DIAPH2: variants seen among roughly 807,000 people sequenced by gnomAD.
DIAPH2 encodes the protein protein diaphanous homolog 2.
In DIAPH2, 35 loss-of-function variants were observed where a neutral mutation model predicts 92.7. The ratio of observed to expected loss-of-function variants is 0.38; its 90% CI spans 0.29 to 0.50. DIAPH2 has a LOEUF of 0.50. Ranked by LOEUF, DIAPH2 falls within the 20% of genes least tolerant of loss-of-function variation. The pLI is 0.94. For missense variants in DIAPH2, 701 were observed against 819.5 expected (o/e 0.86, Z 1.77); for synonymous variants, 301 against 280.4 (o/e 1.07, Z -0.73).
chrX:97,082,557 G>A (rs751545946), intron 19 of DIAPH2, among the ~76,000 whole-genome samples: 10 of 110,647 alleles, frequency 9.0e-5, no homozygotes, highest in Non-Finnish European at 1.7e-4. Flanking sequence ...GCTTGAACCT[G>A]GGAGGTGGAG....
At chrX:97,571,976 T>C (rs1569426636) in intron 26 of DIAPH2, among the ~76,000 whole-genome samples, 1 of 111,777 alleles carries the variant, frequency 8.9e-6, no homozygotes, top group Non-Finnish European at 1.9e-5. Flanking sequence ...TCTTCTGACT[T>C]TCTGTGCACT....
intron 9 of DIAPH2, among the ~76,000 whole-genome samples, chrX:96,926,738 A>G (rs2065584360): frequency 8.9e-6 from 1 of 111,732 alleles, no homozygotes; most frequent in African/African-American, 3.2e-5. Flanking sequence ...AATAGGATAT[A>G]TATGCATCTC....
intron 22 of DIAPH2, among the ~76,000 whole-genome samples, chrX:97,156,543 T>G (rs1265229668): frequency 2.7e-5 from 3 of 111,895 alleles, no homozygotes; most frequent in Non-Finnish European, 5.6e-5. Context: ...ATTTTATAAT[T>G]AAAATCCTCC....
chrX:97,545,530 AAAAATAT>A (rs1569421521), intron 26 of DIAPH2, among the ~76,000 whole-genome samples: 1 of 18,305 alleles, frequency 5.5e-5, no homozygotes, highest in African/African-American at 7.6e-5. Context: ...ATGAAAAAAA[AAAAATAT>A]ATATATATAT....
chrX:97,400,829 G>C (rs1195565287), intron 25 of DIAPH2, among the ~76,000 whole-genome samples: 2 of 110,503 alleles, frequency 1.8e-5, no homozygotes, highest in Non-Finnish European at 3.8e-5. Context: ...ACCCACCTTA[G>C]AACAAGACAG....
intron 4 of DIAPH2, among the ~76,000 whole-genome samples, chrX:96,796,459 C>T (rs2064540424): frequency 8.9e-6 from 1 of 112,289 alleles, no homozygotes; most frequent in African/African-American, 3.2e-5. Context: ...GGATTACAGG[C>T]GTGAGCCACC....
intron 26 of DIAPH2, among the ~76,000 whole-genome samples, chrX:97,440,177 GA>G (rs2070238828): frequency 9.0e-6 from 1 of 111,722 alleles, no homozygotes; most frequent in African/African-American, 3.3e-5. Flanking sequence ...CAATCAAATT[GA>G]AATCTATAGG....
At chrX:97,243,491 C>CA (rs11411856) in intron 22 of DIAPH2, among the ~76,000 whole-genome samples, 14,191 of 110,684 alleles carry the variant, frequency 0.13, 1,592 homozygotes, top group African/African-American at 0.37. Flanking sequence ...ATAATTCCCC[C>CA]ATGCAAAGAT....
At chrX:97,190,110 T>C (rs1326731637) in intron 22 of DIAPH2, among the ~76,000 whole-genome samples, 2 of 113,236 alleles carry the variant, frequency 1.8e-5, no homozygotes, top group East Asian at 5.6e-4. Context: ...TCTAGGTTTC[T>C]CGTCACTTGC....
intron 13 of DIAPH2, among the ~76,000 whole-genome samples, chrX:96,945,206 A>G (rs1047793524): frequency 3.6e-5 from 4 of 110,924 alleles, no homozygotes; most frequent in African/African-American, 9.8e-5. Flanking sequence ...AGTCTTTGCC[A>G]CCTCTCCACC....
chrX:96,944,968 A>G (rs2065729015), intron 13 of DIAPH2, among the ~76,000 whole-genome samples: 1 of 111,292 alleles, frequency 9.0e-6, no homozygotes, highest in African/African-American at 3.3e-5. Context: ...ATATTGCCCA[A>G]AAGTTGTTTA....
At chrX:97,538,818 C>T (rs910498136) in intron 26 of DIAPH2, among the ~76,000 whole-genome samples, 7 of 111,987 alleles carry the variant, frequency 6.3e-5, no homozygotes, top group African/African-American at 1.9e-4. Context: ...ATTGACTTTT[C>T]GTTTGTGGTT....
At chrX:97,535,877 T>C (rs2071092143) in intron 26 of DIAPH2, among the ~76,000 whole-genome samples, 1 of 112,564 alleles carries the variant, frequency 8.9e-6, no homozygotes, top group African/African-American at 3.2e-5. Context: ...CTATATGTTA[T>C]AGAGAATAAG....
intron 17 of DIAPH2, among the ~76,000 whole-genome samples, chrX:96,976,213 A>G (rs1213691081): frequency 9.1e-6 from 1 of 109,671 alleles, no homozygotes. Context: ...GGGTTTCACC[A>G]GGAGGCGGAG....
chrX:97,252,687 C>G (rs1333503303), intron 23 of DIAPH2, among the ~76,000 whole-genome samples: 1 of 101,634 alleles, frequency 9.8e-6, no homozygotes, highest in Admixed American at 1.1e-4. Flanking sequence ...GAAATGAAAG[C>G]AAAAACAACC....
At chrX:97,475,353 C>T (rs1419663138) in intron 26 of DIAPH2, among the ~76,000 whole-genome samples, 3 of 112,239 alleles carry the variant, frequency 2.7e-5, no homozygotes. Flanking sequence ...AGATGTATTT[C>T]AAATGAGGAG....
intron 17 of DIAPH2, among the ~76,000 whole-genome samples, chrX:97,040,888 C>T (rs766095067): frequency 8.9e-4 from 99 of 110,626 alleles, no homozygotes; most frequent in Non-Finnish European, 1.4e-3. Flanking sequence ...ATTTTCCTCT[C>T]CTTCAGAATT....
rs185361304 is a variant in DIAPH2, at chrX:97,037,172, A to G, written c.2051-35769A>G. 3.8e-3 allele frequency among the ~76,000 whole-genome samples: 426 copies of G among 111,575 alleles called. 3 individuals are homozygous for G. The highest frequency in any genetic ancestry group is 0.013 in the African/African-American group (403 of 30,755). ...ATTATTCTTAAACATTGAGAGTAAC[A>G]AAAGTTCCTTTTGAATCCGTTTTTC... On this transcript the variant is annotated intron_variant, in intron 17 of 26. Coordinates refer to ENST00000324765, the MANE Select transcript of DIAPH2 (RefSeq NM_006729.5).
Position 96,881,589 on chromosome X carries a change from A to G in DIAPH2, c.458A>G (p.Lys153Arg). 8.3e-7 allele frequency: 1 copy of G among 1,204,693 alleles called. No homozygotes were observed. Residue 153 changes from lysine (K) to arginine (R), a missense_variant, in exon 5 of 27, where the codon AAA becomes AGA. Transcript: ENST00000324765. Reference protein sequence around the residue: ...ISATAKSGGLKNSKHECTLSS... With the variant: ...ISATAKSGGLRNSKHECTLSS... ...TTGTTTATTTTATAGGGTGGGCTGA[A>G]AAACAGCAAACATGAATGCACCCTG...
Sources: allele counts gnomAD v4.1 joint callset (sites outside exome capture counted in the v4.1 genomes callset), GRCh38; gene constraint gnomAD v4.1.1; transcripts MANE v1.5; gene names NCBI Gene and HGNC (gene_info 2026-07-23, HGNC 2026-07-21).